DLG2: variants seen among roughly 807,000 people sequenced by gnomAD.
DLG2 encodes the protein disks large homolog 2.
DLG2 carries 45 observed loss-of-function variants against 132.5 expected under a neutral mutation model. The observed-to-expected ratio is 0.34, with a 90% CI of 0.27 to 0.44. The LOEUF is 0.44. Ranked by LOEUF, DLG2 falls within the 20% of genes least tolerant of loss-of-function variation. The pLI is 1.00. For missense variants in DLG2, 1,045 were observed against 1,196.9 expected, an observed-to-expected ratio of 0.87 and a Z score of 1.87; for synonymous variants, 424 against 419.6, an observed-to-expected ratio of 1.01 and a Z score of -0.13.
intron 11 of DLG2, among the ~76,000 whole-genome samples, chr11:84,022,763 T>C (rs2095431688): frequency 6.6e-6 from 1 of 151,884 alleles, no homozygotes; most frequent in African/African-American, 2.4e-5. Context: ...TGGTGGGAAG[T>C]AGACTGCAAA....
intron 7 of DLG2, among the ~76,000 whole-genome samples, chr11:84,278,644 G>A (rs776539890): frequency 3.3e-5 from 5 of 152,002 alleles, no homozygotes; most frequent in Non-Finnish European, 4.4e-5. Context: ...GACCAAGTAG[G>A]CTTTATCCTG....
At chr11:84,804,527 C>T (rs1440840924) in intron 6 of DLG2, among the ~76,000 whole-genome samples, 1 of 152,118 alleles carries the variant, frequency 6.6e-6, no homozygotes, top group Non-Finnish European at 1.5e-5. Context: ...CAACTAGTGA[C>T]CCTGGGACCC....
intron 6 of DLG2, among the ~76,000 whole-genome samples, chr11:84,894,165 G>C (rs1052145680): frequency 6.6e-6 from 1 of 152,008 alleles, no homozygotes; most frequent in Non-Finnish European, 1.5e-5. Context: ...AAGCTTCTTG[G>C]TTGCCCTTCT....
chr11:85,522,628 T>C (rs1020721636), intron 3 of DLG2, among the ~76,000 whole-genome samples: 1 of 152,216 alleles, frequency 6.6e-6, no homozygotes, highest in African/African-American at 2.4e-5. Flanking sequence ...CCCAAGGCCA[T>C]GGGAGCCCAC....
chr11:85,198,970 C>T lies in DLG2; in HGVS notation c.187-44319G>A, dbSNP rs568820780. ...TATCTTCAAGTTTCAGGTCTAATGT[C>T]AACCTTCCCCACACATACTTTGGAG... On this transcript the variant is annotated intron_variant, in intron 4 of 27. Transcript: ENST00000376104. 4.6e-5 allele frequency among the ~76,000 whole-genome samples: 7 copies of T among 152,270 alleles called. No individual in the cohort carries two copies. In the South Asian group the frequency reaches 8.3e-4, roughly 18 times the overall value.
chr11:83,869,990 T>C (rs528623695), intron 16 of DLG2, among the ~76,000 whole-genome samples: 1 of 152,364 alleles, frequency 6.6e-6, no homozygotes, highest in African/African-American at 2.4e-5. Context: ...AAAATGCTTC[T>C]AGGTTTTTGC....
chr11:85,579,535 C>T (rs866647046), intron 3 of DLG2, among the ~76,000 whole-genome samples: 11 of 152,068 alleles, frequency 7.2e-5, no homozygotes, highest in Non-Finnish European at 1.6e-4. Context: ...AATAAAAATT[C>T]GCCAATGAAA....
chr11:83,983,120 T>G (rs1862692653), intron 11 of DLG2, among the ~76,000 whole-genome samples: 1 of 152,112 alleles, frequency 6.6e-6, no homozygotes, highest in Non-Finnish European at 1.5e-5. Context: ...AAAAAGTTAT[T>G]ATGAGATCAT....
chr11:85,366,847 C>T (rs2084596141), intron 3 of DLG2, among the ~76,000 whole-genome samples: 1 of 152,070 alleles, frequency 6.6e-6, no homozygotes, highest in African/African-American at 2.4e-5. Flanking sequence ...GCTTTGCAAA[C>T]TTTCTTGAAC....
intron 19 of DLG2, among the ~76,000 whole-genome samples, chr11:83,543,965 A>T (rs2096163700): frequency 6.6e-6 from 1 of 152,178 alleles, no homozygotes; most frequent in African/African-American, 2.4e-5. Context: ...TATCATTTAT[A>T]CTGAACACCT....
intron 19 of DLG2, among the ~76,000 whole-genome samples, chr11:83,604,642 T>C (rs144009865): frequency 2.6e-5 from 4 of 152,254 alleles, no homozygotes; most frequent in Admixed American, 2.0e-4. Flanking sequence ...TGTGAAACCA[T>C]AGACTTTGGG....
rs114530915 is a variant in DLG2, at chr11:84,697,845, C to T, written c.358-163114G>A. ...AAGTACATATTAATCATGCACACAT[C>T]GATTATGTTACAGCTAGATGGACCT... is the stretch of plus-strand genomic sequence containing the variant. On this transcript the variant is annotated intron_variant, in intron 6 of 27. Coordinates refer to ENST00000376104, the MANE Select transcript of DLG2 (RefSeq NM_001142699.3). Among the ~76,000 whole-genome samples, 315 of 151,418 alleles carry T rather than the reference C, an allele frequency of 2.1e-3. 1 individual carries two copies. Among genetic ancestry groups the T allele is most frequent in the African/African-American group, 7.1e-3 (293 of 41,418 alleles).
chr11:84,376,760 C>A (rs966015547), intron 7 of DLG2, among the ~76,000 whole-genome samples: 7 of 151,392 alleles, frequency 4.6e-5, no homozygotes, highest in African/African-American at 1.7e-4. Flanking sequence ...AGAGTGGCAA[C>A]CATTTACTAT....
At chr11:84,809,376 C>T (rs2076321051) in intron 6 of DLG2, among the ~76,000 whole-genome samples, 1 of 151,226 alleles carries the variant, frequency 6.6e-6, no homozygotes, top group Non-Finnish European at 1.5e-5. Context: ...AGGAGCAAGA[C>T]AAGGATATCT....
intron 4 of DLG2, among the ~76,000 whole-genome samples, chr11:85,271,166 C>A (rs533142737): frequency 6.6e-6 from 1 of 152,288 alleles, no homozygotes; most frequent in Non-Finnish European, 1.5e-5. Context: ...CTCAGCTGCT[C>A]CAGCCATGAC....
At chr11:84,488,666 C>A (rs1456624221) in intron 7 of DLG2, among the ~76,000 whole-genome samples, 1 of 152,072 alleles carries the variant, frequency 6.6e-6, no homozygotes, top group Non-Finnish European at 1.5e-5. Flanking sequence ...AGAAAATGGG[C>A]TAGAATCCAA....
At chr11:84,605,452 T>A (rs536643484) in intron 6 of DLG2, among the ~76,000 whole-genome samples, 1 of 152,060 alleles carries the variant, frequency 6.6e-6, no homozygotes, top group Non-Finnish European at 1.5e-5. Context: ...TTATTATTAA[T>A]CTTTTAAAAT....
chr11:83,507,521 C>CAT (rs1332523105), intron 21 of DLG2, among the ~76,000 whole-genome samples: 2 of 140,258 alleles, frequency 1.4e-5, no homozygotes, highest in South Asian at 2.2e-4. Flanking sequence ...TATATATATC[C>CAT]ATATATATAT....
In DLG2 at chr11:85,097,305, G is replaced by A. The variant is rs144533541; in HGVS notation, c.357+14356C>T. Among the ~76,000 whole-genome samples, 1,094 of 152,194 alleles carry A rather than the reference G, an allele frequency of 7.2e-3. 10 individuals are homozygous for A. Among genetic ancestry groups the A allele is most frequent in the Middle Eastern group, 0.014 (4 of 294 alleles). On this transcript the variant is annotated intron_variant, in intron 6 of 27. Coordinates refer to ENST00000376104, the MANE Select transcript of DLG2 (RefSeq NM_001142699.3). ...AGACATAATTTTTGCCCAAAGCCCC[G>A]TCAGGCAGGGGACTATCTGGAATTT...
Sources: gnomAD v4.1 joint callset for allele counts (sites outside exome capture counted in the v4.1 genomes callset) on GRCh38, gnomAD v4.1.1 for gene constraint, MANE v1.5 for transcripts, NCBI Gene and HGNC (gene_info 2026-07-23, HGNC 2026-07-21) for gene names.